Variants in IL7 observed in about 807,000 individuals in gnomAD.
The protein encoded by IL7 is interleukin 7.
A neutral mutation model predicts 21.6 loss-of-function variants in IL7; 3 were observed. That is an observed-to-expected ratio of 0.14 (90% CI 0.06 to 0.36). The LOEUF (loss-of-function observed/expected upper bound fraction) is 0.36. Among genes scored for constraint, IL7 ranks in the 10% least tolerant of loss-of-function variants. The pLI, the probability that IL7 is intolerant of heterozygous loss-of-function variation, is 1.00. For synonymous variants in IL7, 62 were observed against 68.1 expected (o/e 0.91, Z 0.44); for missense variants, 175 against 200.2 (o/e 0.87, Z 0.76).
At chr8:78,759,560 T>A (rs149288249) in intron 2 of IL7, among the ~76,000 whole-genome samples, 244 of 152,266 alleles carry the variant, frequency 1.6e-3, no homozygotes, top group African/African-American at 5.6e-3. Context: ...AGCAATGAGA[T>A]GTGGAACAAC....
At chr8:78,761,014 G>A (rs41308459) in intron 2 of IL7, 83,489 of 1,611,282 alleles carry the variant, frequency 0.052, 2,519 homozygotes, top group Middle Eastern at 0.066. Context: ...TTACTGCACT[G>A]CAGAGTACAA....
chr8:78,793,643 G>T (rs181711040), intron 2 of IL7, among the ~76,000 whole-genome samples: 1 of 152,156 alleles, frequency 6.6e-6, no homozygotes, highest in Non-Finnish European at 1.5e-5. Flanking sequence ...CAGAGTGGTG[G>T]TTGCTGAAGG....
At chr8:78,685,396 G>A (rs1002760680) in intron 4 of IL7, among the ~76,000 whole-genome samples, 8 of 152,130 alleles carry the variant, frequency 5.3e-5, no homozygotes, top group South Asian at 2.1e-4. Context: ...TTTTTCCTTG[G>A]TGTGAGGTTG....
intron 2 of IL7, chr8:78,760,618 T>G (rs1175830295): frequency 6.4e-7 from 1 of 1,569,506 alleles, no homozygotes; most frequent in African/African-American, 1.4e-5. Context: ...GAGATAAGCA[T>G]TTAAGAGCTT....
chr8:78,768,233 G>A (rs1308910188), intron 2 of IL7, among the ~76,000 whole-genome samples: 1 of 152,056 alleles, frequency 6.6e-6, no homozygotes, highest in Non-Finnish European at 1.5e-5. Context: ...ATAAACATAC[G>A]TGTGCATGTG....
intron 2 of IL7, among the ~76,000 whole-genome samples, chr8:78,757,519 A>C (rs535332545): frequency 6.6e-5 from 10 of 152,016 alleles, no homozygotes; most frequent in East Asian, 1.9e-4. Flanking sequence ...ATTGGAGTCT[A>C]TCTCTCTCTT....
At chr8:78,711,066 C>T (rs1810935758) in intron 3 of IL7, among the ~76,000 whole-genome samples, 2 of 152,052 alleles carry the variant, frequency 1.3e-5, no homozygotes, top group African/African-American at 4.8e-5. Flanking sequence ...ATAATAGATG[C>T]TCATAATAGA....
chr8:78,782,910 C>A (rs530301886), intron 2 of IL7, among the ~76,000 whole-genome samples: 1 of 152,272 alleles, frequency 6.6e-6, no homozygotes, highest in African/African-American at 2.4e-5. Flanking sequence ...AGGGAGGCCA[C>A]ATGCAGTGAA....
downstream of IL7, among the ~76,000 whole-genome samples, chr8:78,728,022 CAT>C (rs1811365900): frequency 6.6e-6 from 1 of 151,978 alleles, no homozygotes; most frequent in Non-Finnish European, 1.5e-5. Flanking sequence ...TAAAAGCACA[CAT>C]GTGCATACAA....
intron 1 of IL7, among the ~76,000 whole-genome samples, chr8:78,803,761 T>C (rs921169095): frequency 6.6e-6 from 1 of 152,172 alleles, no homozygotes; most frequent in Non-Finnish European, 1.5e-5. Context: ...AATTTTTAGT[T>C]TTGTATTAAG....
intron 2 of IL7, among the ~76,000 whole-genome samples, chr8:78,740,537 A>G (rs1407648053): frequency 6.6e-6 from 1 of 152,238 alleles, no homozygotes; most frequent in Non-Finnish European, 1.5e-5. Context: ...CATAAGAGAA[A>G]GAATCACAAA....
intron 2 of IL7, among the ~76,000 whole-genome samples, chr8:78,787,953 G>A (rs532337330): frequency 6.6e-6 from 1 of 152,308 alleles, no homozygotes; most frequent in South Asian, 2.1e-4. Flanking sequence ...GCTCTGTGGT[G>A]AAACCACTTC....
At chr8:78,716,218 G>T (rs1442136402), downstream of IL7, among the ~76,000 whole-genome samples, 4 of 151,320 alleles carry the variant, frequency 2.6e-5, no homozygotes, top group Non-Finnish European at 5.9e-5. Flanking sequence ...TGCCTCCCAG[G>T]TTCACGCCAT....
chr8:78,730,899 T>C (rs1394674180), downstream of IL7, among the ~76,000 whole-genome samples: 1 of 151,982 alleles, frequency 6.6e-6, no homozygotes, highest in Non-Finnish European at 1.5e-5. Context: ...TATCTAGAAT[T>C]ATCATGGAAG....
At chr8:78,676,016 C>A in exon 5 of IL7, 2 of 491,856 alleles carry the variant, frequency 4.1e-6, no homozygotes, top group Non-Finnish European at 6.8e-6. Context: ...TCAGCTATGC[C>A]ATTCTTCCAG....
At chr8:78,787,133 T>A (rs1813537478) in intron 2 of IL7, among the ~76,000 whole-genome samples, 1 of 152,146 alleles carries the variant, frequency 6.6e-6, no homozygotes, top group Non-Finnish European at 1.5e-5. Context: ...TATTAGTATT[T>A]CCCCAAGTTC....
At chr8:78,696,921 T>G (rs1171254774) in intron 3 of IL7, among the ~76,000 whole-genome samples, 1 of 152,214 alleles carries the variant, frequency 6.6e-6, no homozygotes, top group Non-Finnish European at 1.5e-5. Flanking sequence ...AATGTTTGTT[T>G]GGTGTTTAAA....
downstream of IL7, among the ~76,000 whole-genome samples, chr8:78,731,993 T>C (rs1443238971): frequency 6.6e-6 from 1 of 152,076 alleles, no homozygotes; most frequent in East Asian, 1.9e-4. Flanking sequence ...GAAGGAAACA[T>C]TTTCAAGGAC....
At chr8:78,709,956 A>G (rs1038709932) in intron 3 of IL7, among the ~76,000 whole-genome samples, 1 of 152,156 alleles carries the variant, frequency 6.6e-6, no homozygotes, top group Non-Finnish European at 1.5e-5. Flanking sequence ...AGTACTTGCT[A>G]CACTCCTACA....
Sources: allele counts gnomAD v4.1 joint callset (sites outside exome capture counted in the v4.1 genomes callset), GRCh38; gene constraint gnomAD v4.1.1; transcripts MANE v1.5; gene names NCBI Gene and HGNC (gene_info 2026-07-23, HGNC 2026-07-21).